L3MBTL4: variants seen among roughly 807,000 people sequenced by gnomAD.
L3MBTL4 encodes the protein lethal(3)malignant brain tumor-like protein 4.
A neutral mutation model predicts 84.5 loss-of-function variants in L3MBTL4; 70 were observed. The ratio of observed to expected loss-of-function variants is 0.83; its 90% confidence interval spans 0.68 to 1.01. L3MBTL4 has a LOEUF of 1.01. L3MBTL4 is among the 50% of genes least tolerant of loss of function. The pLI is 0.00. For missense variants in L3MBTL4, 715 were observed against 754.8 expected (o/e 0.95, Z 0.62); for synonymous variants, 274 against 259.8 (o/e 1.05, Z -0.52).
At chr18:6,125,428 G>C (rs1478897646) in intron 14 of L3MBTL4, among the ~76,000 whole-genome samples, 1 of 152,028 alleles carries the variant, frequency 6.6e-6, no homozygotes, top group Non-Finnish European at 1.5e-5. Flanking sequence ...AATAATTTTT[G>C]TTTTGTTTTG....
intron 1 of L3MBTL4, among the ~76,000 whole-genome samples, chr18:6,391,339 C>T (rs77435478): frequency 0.01 from 1,571 of 151,994 alleles, 25 homozygotes; most frequent in African/African-American, 0.035. Context: ...TACTTAAAAA[C>T]AATAAAAGCC....
chr18:6,073,663 G>T (rs2057764200), intron 16 of L3MBTL4, among the ~76,000 whole-genome samples: 1 of 152,114 alleles, frequency 6.6e-6, no homozygotes, highest in African/African-American at 2.4e-5. Context: ...TAGTCAGGGG[G>T]TATAAAATTG....
chr18:5,985,193 G>T (rs1429318769), intron 16 of L3MBTL4, among the ~76,000 whole-genome samples: 2 of 152,158 alleles, frequency 1.3e-5, no homozygotes, highest in Admixed American at 1.3e-4. Flanking sequence ...GGAAAGAAGT[G>T]CATAATGGAT....
At chr18:6,382,412 C>G (rs909625564) in intron 1 of L3MBTL4, among the ~76,000 whole-genome samples, 2 of 152,130 alleles carry the variant, frequency 1.3e-5, no homozygotes, top group African/African-American at 4.8e-5. Flanking sequence ...AAGAGATGTT[C>G]TAGTTTTTGG....
chr18:6,163,272 G>GGTGTGT (rs71163264), intron 13 of L3MBTL4, among the ~76,000 whole-genome samples: 2 of 94,816 alleles, frequency 2.1e-5, no homozygotes, highest in African/African-American at 3.9e-5. Context: ...GGGGGGGGTG[G>GGTGTGT]GTGTGTGTGT....
Position 6,213,250 on chromosome 18 carries a change from G to A in L3MBTL4, c.880C>T (p.His294Tyr). 6.3e-7 allele frequency: 1 copy of A among 1,594,602 alleles called. No individual in the cohort carries two copies. Among genetic ancestry groups the A allele is most frequent in the South Asian group, 1.1e-5 (1 of 88,696 alleles). Reference sequence around the variant, plus strand: ...AGTTTCATATTTGGCAGAAAACCATGAGGCAACCTCTGTAAATGTTATTAT... The same window carrying A: ...AGTTTCATATTTGGCAGAAAACCATAAGGCAACCTCTGTAAATGTTATTAT... ...PAKVFKMRLP[H>Y]GFLPNMKLEV... The change falls in exon 12 of 19, where the codon CAT becomes TAT. Residue 294 changes from histidine (H) to tyrosine (Y), a missense_variant. Physicochemically the swap from His to Tyr is moderately conservative, Grantham distance 83. Transcript: ENST00000317931.
intron 16 of L3MBTL4, among the ~76,000 whole-genome samples, chr18:5,970,076 C>T (rs2052563986): frequency 6.6e-6 from 1 of 152,226 alleles, no homozygotes; most frequent in Non-Finnish European, 1.5e-5. Context: ...CTGAACATGA[C>T]ATGTAGCAAG....
intron 16 of L3MBTL4, among the ~76,000 whole-genome samples, chr18:6,079,677 A>C (rs2058002621): frequency 6.6e-6 from 1 of 152,218 alleles, no homozygotes; most frequent in Non-Finnish European, 1.5e-5. Context: ...GATATTTTCA[A>C]AAGTGTCAAA....
intron 14 of L3MBTL4, among the ~76,000 whole-genome samples, chr18:6,127,543 T>C (rs1598839731): frequency 6.6e-6 from 1 of 152,204 alleles, no homozygotes; most frequent in African/African-American, 2.4e-5. Flanking sequence ...ACATAGCAGA[T>C]TGGAAAATTG....
intron 16 of L3MBTL4, among the ~76,000 whole-genome samples, chr18:6,044,477 A>G (rs1159894281): frequency 6.6e-6 from 1 of 152,206 alleles, no homozygotes; most frequent in Non-Finnish European, 1.5e-5. Flanking sequence ...TGGAGACTCC[A>G]GCCTCTGCTG....
At chr18:6,303,699 C>T (rs1333730821) in intron 3 of L3MBTL4, among the ~76,000 whole-genome samples, 4 of 152,078 alleles carry the variant, frequency 2.6e-5, no homozygotes, top group Non-Finnish European at 5.9e-5. Flanking sequence ...GAGTCCTAGG[C>T]AAATGAGGAG....
intron 12 of L3MBTL4, among the ~76,000 whole-genome samples, chr18:6,203,243 C>T (rs2045723004): frequency 6.6e-6 from 1 of 152,128 alleles, no homozygotes; most frequent in African/African-American, 2.4e-5. Flanking sequence ...ATTACTACCC[C>T]AGTTCCCTCC....
At chr18:6,399,077 T>A (rs976967370) in intron 1 of L3MBTL4, among the ~76,000 whole-genome samples, 2 of 152,218 alleles carry the variant, frequency 1.3e-5, no homozygotes, top group Non-Finnish European at 2.9e-5. Context: ...TTATTTTTAA[T>A]CTGGCTAGAA....
chr18:6,106,224 T>C (rs1045967056), intron 14 of L3MBTL4, among the ~76,000 whole-genome samples: 1 of 152,226 alleles, frequency 6.6e-6, no homozygotes, highest in African/African-American at 2.4e-5. Context: ...CTTCTGGGGC[T>C]AGATTTTTCT....
At chr18:6,411,603 C>T (rs1162740404) in intron 1 of L3MBTL4, among the ~76,000 whole-genome samples, 1 of 152,146 alleles carries the variant, frequency 6.6e-6, no homozygotes, top group Non-Finnish European at 1.5e-5. Flanking sequence ...ACTGAGACAC[C>T]TGGTTTTCCT....
intron 7 of L3MBTL4, among the ~76,000 whole-genome samples, chr18:6,241,874 A>AAG (rs1400194226): frequency 1.3e-5 from 2 of 152,074 alleles, no homozygotes; most frequent in Non-Finnish European, 2.9e-5. Context: ...ACTCCTGAGG[A>AAG]AGAGACTTTA....
At chr18:6,059,489 ATTCC>A (rs1224855097) in intron 16 of L3MBTL4, among the ~76,000 whole-genome samples, 3 of 152,230 alleles carry the variant, frequency 2.0e-5, no homozygotes, top group African/African-American at 7.2e-5. Context: ...AAAGTCTTGT[ATTCC>A]AGCAAGAAAA....
chr18:6,054,813 C>G (rs1232009734), intron 16 of L3MBTL4, among the ~76,000 whole-genome samples: 1 of 152,224 alleles, frequency 6.6e-6, no homozygotes, highest in Non-Finnish European at 1.5e-5. Flanking sequence ...GCTGGGACCA[C>G]AGACATGGTT....
At chr18:6,133,790 T>C (rs972107270) in intron 14 of L3MBTL4, among the ~76,000 whole-genome samples, 2 of 152,110 alleles carry the variant, frequency 1.3e-5, no homozygotes, top group Non-Finnish European at 2.9e-5. Flanking sequence ...CTGAAACTGG[T>C]ACCAGCCGCT....
Sources: gnomAD v4.1 joint callset for allele counts (sites outside exome capture counted in the v4.1 genomes callset) on GRCh38, gnomAD v4.1.1 for gene constraint, MANE v1.5 for transcripts, NCBI Gene and HGNC (gene_info 2026-07-23, HGNC 2026-07-21) for gene names.